The following NCOA2 variants were observed in gnomAD, a reference collection of about 807,000 sequenced individuals.
NCOA2 encodes the protein class E basic helix-loop-helix protein 75.
In NCOA2, 21 loss-of-function variants were observed where a neutral mutation model predicts 145.1. That is an observed-to-expected ratio of 0.14 (90% confidence interval 0.10 to 0.21). The LOEUF is 0.21. NCOA2 is among the 10% of genes least tolerant of loss of function. The probability of loss-of-function intolerance (pLI) is 1.00; values close to 1 mark genes in which losing one functional copy is unlikely to be tolerated. For synonymous variants in NCOA2, 619 were observed against 637.5 expected, an observed-to-expected ratio of 0.97 and a Z score of 0.44; for missense variants, 1,472 against 1,837.6, an observed-to-expected ratio of 0.80 and a Z score of 3.64.
intron 12 of NCOA2, among the ~76,000 whole-genome samples, chr8:70,147,127 CGT>C (rs1195939923): frequency 0.012 from 1,665 of 144,748 alleles, 12 homozygotes; most frequent in African/African-American, 0.022. Context: ...CGCGCGCGCG[CGT>C]GTGTGTGTGT....
chr8:70,186,686 G>A lies in NCOA2; in HGVS notation c.260-11827C>T, dbSNP rs576329436. Reference sequence around the variant, plus strand: ...CATATGTAACAAATAAACCTGATATGTATTTACAGACAAATTTACAGTATG... The same window carrying A: ...CATATGTAACAAATAAACCTGATATATATTTACAGACAAATTTACAGTATG... On this transcript the variant is annotated intron_variant, in intron 4 of 22. Transcript: ENST00000452400. 2.0e-5 allele frequency among the ~76,000 whole-genome samples: 3 copies of A among 152,326 alleles called. No individual in the cohort carries two copies. The South Asian group carries it at 6.2e-4, about 32-fold the overall frequency.
chr8:70,219,408 C>T (rs1819935193), intron 2 of NCOA2, among the ~76,000 whole-genome samples: 1 of 152,186 alleles, frequency 6.6e-6, no homozygotes. Context: ...GTCTACTGCA[C>T]ATGTCCTCTT....
chr8:70,243,937 GATTT>G (rs1266053139), intron 2 of NCOA2, among the ~76,000 whole-genome samples: 3 of 151,872 alleles, frequency 2.0e-5, no homozygotes, highest in South Asian at 2.1e-4. Flanking sequence ...TAAAATTAAT[GATTT>G]ATTAAACTAT....
At chr8:70,128,099 C>A (rs991954013) in intron 18 of NCOA2, among the ~76,000 whole-genome samples, 3 of 152,316 alleles carry the variant, frequency 2.0e-5, no homozygotes, top group South Asian at 4.1e-4. Flanking sequence ...TATGTGTTGA[C>A]TGGATGATGA....
At chr8:70,396,665 G>A (rs1015771519) in intron 1 of NCOA2, among the ~76,000 whole-genome samples, 20 of 152,150 alleles carry the variant, frequency 1.3e-4, no homozygotes, top group African/African-American at 3.9e-4. Context: ...GACTAAAAAA[G>A]CTAGAGACTA....
rs61696395 is a variant in NCOA2, at chr8:70,215,088, G to A, written c.87-1013C>T. Reference sequence around the variant, plus strand: ...TACAATTTGTCCAGGATCACCCCACGAATTACTGGCACAGTAATTCAGAAT... The same window carrying A: ...TACAATTTGTCCAGGATCACCCCACAAATTACTGGCACAGTAATTCAGAAT... On this transcript the variant is annotated intron_variant, in intron 3 of 22. Transcript: ENST00000452400. Among the ~76,000 whole-genome samples the A allele has an allele frequency of 6.6e-3, 1,005 of 151,962 alleles. 13 individuals carry two copies. The highest frequency in any genetic ancestry group is 0.024 in the Middle Eastern group (7 of 294).
At chr8:70,161,026 TC>T (rs1383004779) in intron 9 of NCOA2, among the ~76,000 whole-genome samples, 2 of 152,218 alleles carry the variant, frequency 1.3e-5, no homozygotes, top group Non-Finnish European at 2.9e-5. Context: ...TTGGTCTACA[TC>T]CAACACCTCT....
intron 2 of NCOA2, among the ~76,000 whole-genome samples, chr8:70,282,413 C>T (rs907148703): frequency 2.0e-5 from 3 of 152,152 alleles, no homozygotes; most frequent in East Asian, 1.9e-4. Context: ...AGGCCGGGCA[C>T]GGAGGCTCAT....
At chr8:70,174,007 T>C (rs1364638922) in intron 5 of NCOA2, among the ~76,000 whole-genome samples, 4 of 152,206 alleles carry the variant, frequency 2.6e-5, no homozygotes, top group Admixed American at 1.3e-4. Context: ...GCCGAGCAAA[T>C]TATCCTGAGA....
chr8:70,443,367 C>T, the NCOA2 span, among the ~76,000 whole-genome samples: 1 of 151,792 alleles, frequency 6.6e-6, no homozygotes, highest in East Asian at 1.9e-4. Context: ...GAGTGAGACC[C>T]TGTCGCAAAA....
chr8:70,334,328 CACTG>C (rs1441106483), intron 1 of NCOA2, among the ~76,000 whole-genome samples: 1 of 152,178 alleles, frequency 6.6e-6, no homozygotes, highest in Non-Finnish European at 1.5e-5. Flanking sequence ...GGTGTCAATG[CACTG>C]TCTTCCCACA....
At chr8:70,121,014 A>G (rs1229484236) in intron 22 of NCOA2, among the ~76,000 whole-genome samples, 3 of 152,164 alleles carry the variant, frequency 2.0e-5, no homozygotes. Flanking sequence ...GTATCATTCC[A>G]GGGCAAAATT....
intron 12 of NCOA2, among the ~76,000 whole-genome samples, chr8:70,145,524 T>C (rs190123379): frequency 9.2e-5 from 14 of 152,162 alleles, no homozygotes; most frequent in African/African-American, 3.1e-4. Context: ...GGTTTCACCA[T>C]GTTGGCCAGG....
At chr8:70,136,084 T>G (rs1296792924) in intron 15 of NCOA2, among the ~76,000 whole-genome samples, 2 of 152,194 alleles carry the variant, frequency 1.3e-5, no homozygotes, top group Non-Finnish European at 1.5e-5. Flanking sequence ...ATTAAAATTG[T>G]GAACTTAGGC....
At chr8:70,115,009 A>G (rs1806928824) in intron 22 of NCOA2, among the ~76,000 whole-genome samples, 1 of 152,228 alleles carries the variant, frequency 6.6e-6, no homozygotes, top group African/African-American at 2.4e-5. Flanking sequence ...TATAATATAA[A>G]GCTGAATAGA....
chr8:70,188,121 T>A (rs1410575917), intron 4 of NCOA2, among the ~76,000 whole-genome samples: 1 of 152,058 alleles, frequency 6.6e-6, no homozygotes, highest in Non-Finnish European at 1.5e-5. Context: ...GAAGGTAGCC[T>A]TTTTTTTGTA....
intron 2 of NCOA2, among the ~76,000 whole-genome samples, chr8:70,273,085 G>A (rs1267210480): frequency 6.6e-6 from 1 of 152,030 alleles, no homozygotes; most frequent in African/African-American, 2.4e-5. Context: ...ATATAAATCT[G>A]CCAAAATTAT....
intron 1 of NCOA2, among the ~76,000 whole-genome samples, chr8:70,307,879 G>A (rs1828016382): frequency 6.6e-6 from 1 of 152,010 alleles, no homozygotes; most frequent in Non-Finnish European, 1.5e-5. Context: ...ATCTATTTTT[G>A]TTTTATAGGT....
At chr8:70,267,239 C>T (rs1014104100) in intron 2 of NCOA2, among the ~76,000 whole-genome samples, 1 of 152,116 alleles carries the variant, frequency 6.6e-6, no homozygotes, top group Admixed American at 6.6e-5. Context: ...GACTATGAGG[C>T]ATAAGTAAAT....
Sources: gnomAD v4.1 joint callset for allele counts (sites outside exome capture counted in the v4.1 genomes callset) on GRCh38, gnomAD v4.1.1 for gene constraint, MANE v1.5 for transcripts, NCBI Gene and HGNC (gene_info 2026-07-23, HGNC 2026-07-21) for gene names.